MINPP1: variants seen among roughly 807,000 people sequenced by gnomAD.
The protein encoded by MINPP1 is multiple inositol polyphosphate phosphatase 1.
A neutral mutation model predicts 46.1 loss-of-function variants in MINPP1; 28 were observed. That is an observed-to-expected ratio of 0.61 (90% CI 0.45 to 0.83). The LOEUF is 0.83. MINPP1 is among the 40% of genes least tolerant of loss of function. The pLI is 0.00. For missense variants in MINPP1, 603 were observed against 610.0 expected (o/e 0.99, Z 0.12); for synonymous variants, 268 against 249.1 (o/e 1.08, Z -0.72).
chr10:87,523,532 T>G (rs907877245), intron 4 of MINPP1, among the ~76,000 whole-genome samples: 19 of 129,182 alleles, frequency 1.5e-4, no homozygotes, highest in Non-Finnish European at 2.7e-4. Flanking sequence ...TTTTTTTTTT[T>G]GTATTTTTAG....
chr10:87,547,538 T>C (rs1454991412), intron 4 of MINPP1, among the ~76,000 whole-genome samples: 1 of 152,248 alleles, frequency 6.6e-6, no homozygotes, highest in African/African-American at 2.4e-5. Flanking sequence ...TTTTTTGGTA[T>C]AAATTGTTTC....
chr10:87,537,073 A>AT (rs1851745993), intron 4 of MINPP1, among the ~76,000 whole-genome samples: 3 of 152,050 alleles, frequency 2.0e-5, no homozygotes, highest in Admixed American at 6.5e-5. Flanking sequence ...AGAAGCTGGG[A>AT]TTACAGGCAT....
At chr10:87,550,219 G>A (rs895358114) in intron 4 of MINPP1, among the ~76,000 whole-genome samples, 2 of 152,144 alleles carry the variant, frequency 1.3e-5, no homozygotes, top group South Asian at 2.1e-4. Flanking sequence ...GATAAGTAAT[G>A]TAAAATTTAA....
chr10:87,537,583 C>G (rs902097722), intron 4 of MINPP1, among the ~76,000 whole-genome samples: 1 of 149,754 alleles, frequency 6.7e-6, no homozygotes, highest in African/African-American at 2.5e-5. Flanking sequence ...CAGATTTATG[C>G]TCTATAGGAA....
intron 2 of MINPP1, 128 bp downstream of exon 2, chr10:87,508,661 T>G: frequency 1.1e-6 from 1 of 930,646 alleles, no homozygotes; most frequent in Non-Finnish European, 1.6e-6. Context: ...AATAATATGT[T>G]CTGGGTCAAA....
intron 1 of MINPP1, 23 bp from the exon 2 acceptor site, chr10:87,508,313 A>G (rs1184764024): frequency 1.9e-6 from 3 of 1,608,930 alleles, no homozygotes; most frequent in Middle Eastern, 1.7e-4. Context: ...TTACAAATAC[A>G]TATAAATTTT....
chr10:87,534,047 T>A (rs1171243606), intron 4 of MINPP1, among the ~76,000 whole-genome samples: 1 of 131,582 alleles, frequency 7.6e-6, no homozygotes, highest in African/African-American at 3.1e-5. Context: ...TAAATATTTT[T>A]TTTTTTTTTT....
intron 4 of MINPP1, among the ~76,000 whole-genome samples, chr10:87,540,763 C>A (rs1354066032): frequency 6.6e-6 from 1 of 152,084 alleles, no homozygotes; most frequent in Non-Finnish European, 1.5e-5. Context: ...GGTTTAAGAA[C>A]CAGATTGGAC....
At chr10:87,546,267 C>T (rs777218717) in intron 4 of MINPP1, among the ~76,000 whole-genome samples, 4 of 152,176 alleles carry the variant, frequency 2.6e-5, no homozygotes, top group Non-Finnish European at 5.9e-5. Context: ...TATAGGGTAA[C>T]TTCCAGGAGT....
chr10:87,551,236 A>G lies in MINPP1; in HGVS notation c.1068-846A>G, dbSNP rs570693383. On this transcript the variant is annotated intron_variant, in intron 4 of 4. Coordinates refer to ENST00000371996, the MANE Select transcript of MINPP1 (RefSeq NM_004897.5). ...AGGAAGGTCTAGAACTGCTGCTTCTATCCTCCCAGAAAATCCAGATGCACT... is the reference window on the plus strand; with the variant it reads ...AGGAAGGTCTAGAACTGCTGCTTCTGTCCTCCCAGAAAATCCAGATGCACT... Among the ~76,000 whole-genome samples, 8 of 152,184 alleles carry G rather than the reference A, an allele frequency of 5.3e-5. No homozygotes were observed. In the South Asian group the frequency reaches 8.3e-4, roughly 16 times the overall value.
intron 4 of MINPP1, among the ~76,000 whole-genome samples, chr10:87,540,002 G>T (rs549514302): frequency 6.6e-6 from 1 of 152,336 alleles, no homozygotes; most frequent in South Asian, 2.1e-4. Context: ...AAGTAGCTGG[G>T]ACTACAGGCA....
intron 4 of MINPP1, among the ~76,000 whole-genome samples, chr10:87,542,322 T>C (rs981119239): frequency 6.6e-6 from 1 of 152,100 alleles, no homozygotes; most frequent in Non-Finnish European, 1.5e-5. Flanking sequence ...TCTCTCTTTT[T>C]TTTTTTAAAC....
Position 87,508,329 on chromosome 10 carries a change from C to T in MINPP1, c.638-7C>T, listed in dbSNP as rs766090928. On this transcript the variant is annotated splice_polypyrimidine_tract_variant and splice_region_variant and intron_variant, in intron 1 of 4. Coordinates refer to ENST00000371996, the MANE Select transcript of MINPP1 (RefSeq NM_004897.5). ...TACAAATACATATAAATTTTTTTCT[C>T]TTTCAGATATGGAGTTTGGACCTCC... 6.2e-7 allele frequency: 1 copy of T among 1,612,152 alleles called. No homozygotes were observed. The highest frequency in any genetic ancestry group is 2.2e-5 in the East Asian group (1 of 44,790).
At chr10:87,549,429 C>T (rs1489368534) in intron 4 of MINPP1, among the ~76,000 whole-genome samples, 1 of 152,186 alleles carries the variant, frequency 6.6e-6, no homozygotes, top group Non-Finnish European at 1.5e-5. Flanking sequence ...ACTGTCCATA[C>T]CACTGTCTGT....
chr10:87,533,294 C>T (rs1323032174), intron 4 of MINPP1, among the ~76,000 whole-genome samples: 1 of 151,782 alleles, frequency 6.6e-6, no homozygotes, highest in African/African-American at 2.4e-5. Context: ...GTTAAATTTT[C>T]AGTTAAATAT....
intron 4 of MINPP1, among the ~76,000 whole-genome samples, chr10:87,538,500 C>T (rs765223626): frequency 5.3e-5 from 8 of 152,180 alleles, no homozygotes; most frequent in Non-Finnish European, 7.3e-5. Flanking sequence ...AATCTGGTCC[C>T]TATTACTCCG....
At chr10:87,520,735 CAT>C (rs1358907009) in intron 3 of MINPP1, among the ~76,000 whole-genome samples, 2 of 151,992 alleles carry the variant, frequency 1.3e-5, no homozygotes, top group Non-Finnish European at 1.5e-5. Context: ...GAGGTGAGCA[CAT>C]GTCCTTACTC....
intron 4 of MINPP1, among the ~76,000 whole-genome samples, chr10:87,529,633 A>T (rs952051735): frequency 2.0e-5 from 3 of 152,062 alleles, no homozygotes; most frequent in African/African-American, 7.2e-5. Flanking sequence ...GGCTGCCCTT[A>T]ACATTTTTTC....
chr10:87,533,950 T>C (rs1851695479), intron 4 of MINPP1, among the ~76,000 whole-genome samples: 1 of 152,174 alleles, frequency 6.6e-6, no homozygotes, highest in African/African-American at 2.4e-5. Context: ...TGCCAACTTT[T>C]TGAAGTCACA....
Sources: allele counts gnomAD v4.1 joint callset (sites outside exome capture counted in the v4.1 genomes callset), GRCh38; gene constraint gnomAD v4.1.1; transcripts MANE v1.5; gene names NCBI Gene and HGNC (gene_info 2026-07-23, HGNC 2026-07-21).